SP2: variants seen among roughly 807,000 people sequenced by gnomAD.
SP2 encodes transcription factor Sp2.
SP2 carries 9 observed loss-of-function variants against 50.1 expected under a neutral mutation model. The observed-to-expected ratio is 0.18, with a 90% CI of 0.11 to 0.31. The LOEUF (loss-of-function observed/expected upper bound fraction) is 0.31. Among genes scored for constraint, SP2 ranks in the 10% least tolerant of loss-of-function variants. The pLI, the probability that SP2 is intolerant of heterozygous loss-of-function variation, is 1.00. For missense variants in SP2, 581 were observed against 806.5 expected, an observed-to-expected ratio of 0.72 and a Z score of 3.39; for synonymous variants, 313 against 326.6, an observed-to-expected ratio of 0.96 and a Z score of 0.45.
At chr17:47,922,290 G>A (rs1185598800) in intron 3 of SP2, among the ~76,000 whole-genome samples, 1 of 152,064 alleles carries the variant, frequency 6.6e-6, no homozygotes. Flanking sequence ...TCCTTGTCCT[G>A]CTCAGCCTCT....
At chr17:47,926,823 A>C (rs1244096464) in intron 6 of SP2, among the ~76,000 whole-genome samples, 2 of 152,176 alleles carry the variant, frequency 1.3e-5, no homozygotes, top group Non-Finnish European at 2.9e-5. Flanking sequence ...AGTGGTCCAC[A>C]CATACACTTT....
chr17:47,911,738 G>T (rs1273064419), intron 1 of SP2, among the ~76,000 whole-genome samples: 1 of 151,562 alleles, frequency 6.6e-6, no homozygotes, highest in Non-Finnish European at 1.5e-5. Flanking sequence ...CCGGGAGGCG[G>T]AGCTTGCAGT....
chr17:47,896,274 G>A lies in SP2; in HGVS notation c.-13G>A, dbSNP rs1369017343. On this transcript the variant is annotated 5_prime_UTR_variant, in exon 1 of 7. Transcript: ENST00000376741. ...CGGCGGAGGCGGCGGAGGCCAGGGA[G>A]GAAGATGTCGTAATGAGCGGTGGGT... 8.1e-7 allele frequency: 1 copy of A among 1,240,258 alleles called. No individual in the cohort carries two copies. Among genetic ancestry groups the A allele is most frequent in the East Asian group, 3.2e-5 (1 of 31,736 alleles). The allele number at this position is 1,240,258 out of a possible 1,614,324, so 76.8% of individuals were successfully genotyped here.
intron 3 of SP2, among the ~76,000 whole-genome samples, chr17:47,919,984 G>A (rs1457351989): frequency 6.0e-5 from 9 of 150,196 alleles, no homozygotes; most frequent in African/African-American, 1.7e-4. Flanking sequence ...TTACAGGCGC[G>A]TGCCACCACG....
At chr17:47,924,771 A>G (rs926353769) in intron 4 of SP2, 148 bp from the exon 5 acceptor site, 2 of 657,238 alleles carry the variant, frequency 3.0e-6, no homozygotes, top group Non-Finnish European at 5.2e-6. Context: ...TCCCTGTACA[A>G]AGGTCCTTAA....
chr17:47,920,572 C>T (rs2144021419), intron 3 of SP2, among the ~76,000 whole-genome samples: 1 of 152,250 alleles, frequency 6.6e-6, no homozygotes, highest in South Asian at 2.1e-4. Context: ...AGGCATGAGC[C>T]ACCGCACCCG....
At chr17:47,900,878 A>AT (rs1164810290) in intron 1 of SP2, among the ~76,000 whole-genome samples, 1 of 152,258 alleles carries the variant, frequency 6.6e-6, no homozygotes, top group Non-Finnish European at 1.5e-5. Context: ...GGGAAAAAGT[A>AT]TATCTTGCTT....
chr17:47,915,473 T>A, intron 2 of SP2, 85 bp downstream of exon 2: 1 of 814,702 alleles, frequency 1.2e-6, no homozygotes, highest in Non-Finnish European at 2.0e-6. Context: ...ACTGTCTCAC[T>A]ATAAATACCC....
intron 1 of SP2, chr17:47,900,172 C>T (rs1441618718): frequency 6.6e-6 from 1 of 152,194 alleles, no homozygotes; most frequent in Non-Finnish European, 1.5e-5. Flanking sequence ...CAGGAGGAGC[C>T]AGCAGACACT....
rs560879087 is a variant in SP2, at chr17:47,897,754, C to T, written c.7+1461C>T. On this transcript the variant is annotated intron_variant, in intron 1 of 6. Transcript: ENST00000376741. ...TTACTAACACAAAGAAACCCATTGTCTGCAATAATGAATATAACTGCAGTG... is the reference window on the plus strand; with the variant it reads ...TTACTAACACAAAGAAACCCATTGTTTGCAATAATGAATATAACTGCAGTG... 4.8e-5 allele frequency: 25 copies of T among 524,454 alleles called. No homozygotes were observed. In the Admixed American group the frequency reaches 1.3e-3, roughly 27 times the overall value. 32.5% of individuals were successfully genotyped at this position (524,454 alleles called of 1,614,324 possible). A position where few individuals can be genotyped will look rare whatever the true frequency, so the allele number is the denominator to read the frequency against.
At chr17:47,907,749 G>A (rs1299193040) in intron 1 of SP2, among the ~76,000 whole-genome samples, 2 of 152,062 alleles carry the variant, frequency 1.3e-5, no homozygotes, top group East Asian at 1.9e-4. Flanking sequence ...TGCAATCTTC[G>A]AACACCATTT....
At chr17:47,926,830 C>G (rs113176400) in intron 6 of SP2, among the ~76,000 whole-genome samples, 162 of 152,298 alleles carry the variant, frequency 1.1e-3, no homozygotes, top group African/African-American at 3.9e-3. Context: ...CACACATACA[C>G]TTTGGCAAAC....
chr17:47,905,662 T>C (rs745518371), intron 1 of SP2, among the ~76,000 whole-genome samples: 2 of 152,112 alleles, frequency 1.3e-5, no homozygotes, highest in South Asian at 4.1e-4. Context: ...TGTTACGTGC[T>C]CTCCCCAAGT....
At chr17:47,909,595 G>A (rs990746258) in intron 1 of SP2, 6 of 491,598 alleles carry the variant, frequency 1.2e-5, no homozygotes, top group East Asian at 1.5e-4. Flanking sequence ...TTAAACCCTC[G>A]ATGCAGTGAT....
At chr17:47,924,153 A>G (rs981765736) in intron 4 of SP2, among the ~76,000 whole-genome samples, 1 of 149,660 alleles carries the variant, frequency 6.7e-6, no homozygotes, top group Non-Finnish European at 1.5e-5. Flanking sequence ...TTTTTAAGAC[A>G]TGGCCTCAGG....
Position 47,916,591 on chromosome 17 carries a change from C to T in SP2, c.520C>T (p.His174Tyr), listed in dbSNP as rs1598145168. The T allele has an allele frequency of 6.2e-7, 1 of 1,614,180 alleles. No individual in the cohort carries two copies. The highest frequency in any genetic ancestry group is 2.2e-5 in the East Asian group (1 of 44,882). The change falls in exon 3 of 7, where the codon CAC (histidine) becomes TAC (tyrosine). Residue 174 changes from histidine to tyrosine, a missense_variant. His to Tyr is a moderately conservative substitution (Grantham distance 83). Coordinates refer to ENST00000376741, the MANE Select transcript of SP2 (RefSeq NM_003110.6). This position sits in a 1 kb window ranked among gnomAD's most constrained non-coding sequence, Gnocchi z 4.7. ...CATCATCACCCCCTCACCGTCCAGT[C>T]ACAAGCCTGTCCCCATCAAGCCAGC... is the stretch of plus-strand genomic sequence containing the variant. ...QAIITPSPSS[H>Y]KPVPIKPAPI... is the part of the protein sequence containing the mutation.
intron 3 of SP2, 58 bp from the exon 4 acceptor site, chr17:47,922,904 A>C: frequency 6.7e-7 from 1 of 1,487,958 alleles, no homozygotes; most frequent in Non-Finnish European, 9.2e-7. Flanking sequence ...GGACATTTGA[A>C]GGCCCCAGGA....
In SP2 at chr17:47,905,322, G is replaced by A. The variant is rs542168273; in HGVS notation, c.7+9029G>A. 1.5e-4 allele frequency among the ~76,000 whole-genome samples: 23 copies of A among 152,298 alleles called. No homozygotes were observed. The East Asian group carries it at 4.3e-3, about 28-fold the overall frequency. On this transcript the variant is annotated intron_variant, in intron 1 of 6. Coordinates refer to ENST00000376741, the MANE Select transcript of SP2 (RefSeq NM_003110.6). ...CTTAGAAACTGCTTTGTTGGCTTAC[G>A]GCCCAGCTGAGCTGACCAAAATAGC...
intron 3 of SP2, among the ~76,000 whole-genome samples, chr17:47,920,611 C>T (rs989501394): frequency 1.3e-4 from 19 of 150,956 alleles, no homozygotes; most frequent in African/African-American, 3.7e-4. Context: ...TTAGTAGAGA[C>T]GGGGTTTTAC....
Sources: allele counts gnomAD v4.1 joint callset (sites outside exome capture counted in the v4.1 genomes callset), GRCh38; gene constraint gnomAD v4.1.1; non-coding constraint Gnocchi (gnomAD v3.1); transcripts MANE v1.5; gene names NCBI Gene and HGNC (gene_info 2026-07-23, HGNC 2026-07-21).